The following SFSWAP variants were observed in gnomAD, a reference collection of about 807,000 sequenced individuals.
SFSWAP encodes the protein splicing factor SWAP, also known as splicing factor, suppressor of white-apricot homolog.
Under a neutral mutation model 100.7 loss-of-function variants are expected in SFSWAP, and 17 were observed. That is an observed-to-expected ratio of 0.17 (90% CI 0.12 to 0.25). The LOEUF is 0.25. Ranked by LOEUF, SFSWAP falls within the 10% of genes least tolerant of loss-of-function variation. The probability of loss-of-function intolerance (pLI) is 1.00; values close to 1 mark genes in which losing one functional copy is unlikely to be tolerated. For synonymous variants in SFSWAP, 504 were observed against 510.1 expected, an observed-to-expected ratio of 0.99 and a Z score of 0.16; for missense variants, 1,005 against 1,262.6, an observed-to-expected ratio of 0.80 and a Z score of 3.09.
chr12:131,746,871 A>C (rs993850670), intron 7 of SFSWAP, among the ~76,000 whole-genome samples: 1 of 152,118 alleles, frequency 6.6e-6, no homozygotes, highest in Non-Finnish European at 1.5e-5. Context: ...TTGGGAGGCC[A>C]AGGCGGGCAG....
intron 7 of SFSWAP, among the ~76,000 whole-genome samples, chr12:131,735,103 G>T (rs555672109): frequency 6.6e-6 from 1 of 152,214 alleles, no homozygotes; most frequent in African/African-American, 2.4e-5. Context: ...AGGCTTTCCT[G>T]GCTGAAAGCA....
At chr12:131,769,343 GC>G (rs1186424939) in intron 13 of SFSWAP, among the ~76,000 whole-genome samples, 1 of 152,186 alleles carries the variant, frequency 6.6e-6, no homozygotes, top group East Asian at 1.9e-4. Context: ...TGTTACAGTG[GC>G]GTACGGGTTC....
chr12:131,796,994 T>G, intron 15 of SFSWAP, 184 bp from the exon 16 acceptor site: 1 of 581,776 alleles, frequency 1.7e-6, no homozygotes, highest in Non-Finnish European at 3.0e-6. Context: ...TGGGGACGCG[T>G]CATCTGTTAT....
At chr12:131,791,773 CTT>C (rs144657528) in intron 15 of SFSWAP, among the ~76,000 whole-genome samples, 1 of 152,226 alleles carries the variant, frequency 6.6e-6, no homozygotes, top group Non-Finnish European at 1.5e-5. Flanking sequence ...AAGGGATACT[CTT>C]TTTTAAAAAA....
intron 14 of SFSWAP, chr12:131,784,910 A>G (rs1013721977): frequency 2.1e-5 from 10 of 485,036 alleles, no homozygotes; most frequent in Non-Finnish European, 3.4e-5. Flanking sequence ...GGCCTTAAAA[A>G]CTAACTTATT....
At chr12:131,783,479 A>G (rs1479105659) in intron 14 of SFSWAP, 3 of 152,044 alleles carry the variant, frequency 2.0e-5, no homozygotes, top group Non-Finnish European at 4.4e-5. Context: ...ATCTTCCAGT[A>G]TAGAGAGCTA....
chr12:131,795,590 G>A (rs888143036), intron 15 of SFSWAP, among the ~76,000 whole-genome samples: 10 of 152,178 alleles, frequency 6.6e-5, no homozygotes, highest in South Asian at 6.2e-4. Flanking sequence ...CCCAGATATC[G>A]GGGGGTGGCA....
chr12:131,774,452 G>A (rs375859421), intron 13 of SFSWAP, among the ~76,000 whole-genome samples: 12 of 152,252 alleles, frequency 7.9e-5, no homozygotes, highest in East Asian at 7.7e-4. Context: ...AGAAGTGGCC[G>A]GCGGTAAGCT....
At chr12:131,749,891 A>G (rs995691277) in intron 7 of SFSWAP, among the ~76,000 whole-genome samples, 4 of 152,224 alleles carry the variant, frequency 2.6e-5, no homozygotes, top group African/African-American at 9.6e-5. Context: ...GCGAGCCCAG[A>G]GCAAAGGCCT....
chr12:131,715,046 G>A (rs559653314), intron 3 of SFSWAP, 93 bp downstream of exon 3: 18 of 1,311,948 alleles, frequency 1.4e-5, no homozygotes, highest in South Asian at 2.5e-5. Flanking sequence ...ACACATCTCT[G>A]GCACTCATGA....
intron 15 of SFSWAP, among the ~76,000 whole-genome samples, chr12:131,791,225 A>G (rs11246808): frequency 1.3e-5 from 2 of 150,410 alleles, no homozygotes; most frequent in Non-Finnish European, 3.0e-5. Context: ...AAACCCCGTC[A>G]CTACTAAAAA....
intron 7 of SFSWAP, among the ~76,000 whole-genome samples, chr12:131,738,134 C>G (rs1486589711): frequency 6.6e-6 from 1 of 152,076 alleles, no homozygotes; most frequent in Admixed American, 6.5e-5. Flanking sequence ...TTGCGCATGG[C>G]TACTATAGAT....
intron 13 of SFSWAP, among the ~76,000 whole-genome samples, chr12:131,776,819 AAT>A (rs900845891): frequency 2.0e-5 from 3 of 152,232 alleles, no homozygotes; most frequent in Non-Finnish European, 2.9e-5. Flanking sequence ...TATAATTTAA[AAT>A]TCACTTGAAG....
intron 12 of SFSWAP, among the ~76,000 whole-genome samples, chr12:131,765,548 T>C (rs1004612905): frequency 6.6e-6 from 1 of 151,944 alleles, no homozygotes; most frequent in African/African-American, 2.4e-5. Context: ...CTTGGGAGGC[T>C]GAGGCAGGAG....
At chr12:131,774,359 G>A (rs575966965) in intron 13 of SFSWAP, among the ~76,000 whole-genome samples, 1 of 152,316 alleles carries the variant, frequency 6.6e-6, no homozygotes, top group Admixed American at 6.5e-5. Context: ...GGAAATAATC[G>A]TTGCTGGTTC....
At chr12:131,740,001 G>A (rs932310632) in intron 7 of SFSWAP, among the ~76,000 whole-genome samples, 36 of 152,086 alleles carry the variant, frequency 2.4e-4, no homozygotes, top group Admixed American at 2.0e-3. Flanking sequence ...TCTGCCTGTC[G>A]AAAAATGCCT....
At chr12:131,726,202 AT>A (rs36110578) in intron 5 of SFSWAP, among the ~76,000 whole-genome samples, 55,347 of 148,954 alleles carry the variant, frequency 0.37, 10,859 homozygotes, top group Non-Finnish European at 0.45. Flanking sequence ...CTTCCATTGA[AT>A]TTTTTTTTTT....
chr12:131,756,437 T>C (rs772000721), intron 10 of SFSWAP, 36 bp from the exon 11 acceptor site: 1 of 1,596,806 alleles, frequency 6.3e-7, no homozygotes, highest in Non-Finnish European at 8.6e-7. Context: ...CTGTATAATT[T>C]CCTGCTGACA....
In SFSWAP at chr12:131,730,238, G is replaced by C. The variant is rs2136193054; in HGVS notation, c.1081+1810G>C. Among the ~76,000 whole-genome samples the C allele has an allele frequency of 6.6e-6, 1 of 152,304 alleles. No homozygotes were observed. The highest frequency in any genetic ancestry group is 1.9e-4 in the East Asian group (1 of 5,174). On this transcript the variant is annotated intron_variant, in intron 7 of 17. Coordinates refer to ENST00000261674, the MANE Select transcript of SFSWAP (RefSeq NM_004592.4). The surrounding 1 kb of genome is among the most constrained non-coding windows in gnomAD (Gnocchi z 4.0). The stretch of plus-strand genomic sequence containing the variant: ...TGTGAAGCTCCCGCCCTGGAGTCAT[G>C]GGGCGCTGTGCTCTGCCCAGGATGC...
Sources: allele counts gnomAD v4.1 joint callset (sites outside exome capture counted in the v4.1 genomes callset), GRCh38; gene constraint gnomAD v4.1.1; non-coding constraint Gnocchi (gnomAD v3.1); transcripts MANE v1.5; gene names NCBI Gene and HGNC (gene_info 2026-07-23, HGNC 2026-07-21).